Variants in STAT3 observed in about 807,000 individuals in gnomAD.
STAT3 encodes signal transducer and activator of transcription 3.
A neutral mutation model predicts 114.3 loss-of-function variants in STAT3; 7 were observed. That is an observed-to-expected ratio of 0.06 (90% CI 0.03 to 0.11). The LOEUF (loss-of-function observed/expected upper bound fraction) is 0.11, where lower values mean the gene tolerates loss of function less well. Ranked by LOEUF, STAT3 falls within the 10% of genes least tolerant of loss-of-function variation. The pLI, the probability that STAT3 is intolerant of heterozygous loss-of-function variation, is 1.00. For missense variants in STAT3, 364 were observed against 960.9 expected (o/e 0.38, Z 8.21); for synonymous variants, 331 against 354.5 (o/e 0.93, Z 0.74).
At chr17:42,382,102 C>G (rs1051104395) in intron 1 of STAT3, among the ~76,000 whole-genome samples, 4 of 152,124 alleles carry the variant, frequency 2.6e-5, no homozygotes, top group African/African-American at 9.7e-5. Flanking sequence ...TTGAATGCAA[C>G]TTTTTGTAAC....
At chr17:42,379,996 CAG>C (rs1598528210) in intron 1 of STAT3, among the ~76,000 whole-genome samples, 1 of 152,068 alleles carries the variant, frequency 6.6e-6, no homozygotes, top group East Asian at 1.9e-4. Flanking sequence ...TAATATCTAA[CAG>C]ATATTACCAT....
chr17:42,354,169 GTTC>G (rs1433847859), intron 1 of STAT3, among the ~76,000 whole-genome samples: 3 of 135,362 alleles, frequency 2.2e-5, no homozygotes, highest in Non-Finnish European at 3.1e-5. Flanking sequence ...CAATAATTGT[GTTC>G]TTTTTTTTTT....
chr17:42,337,857 T>C lies in STAT3; in HGVS notation c.551A>G (p.Asp184Gly), dbSNP rs748184550. ...FNYKTLKSQG[D>G]MQDLNGNNQS... The stretch of plus-strand genomic sequence containing the variant: ...GTTGTTTCCATTCAGATCTTGCATG[T>C]CTGCGAAGGAAGAAAAAACTCCTTG... Residue 184 changes from aspartate (D) to glycine (G), a missense_variant and splice_region_variant, in exon 7 of 24, where the codon GAC becomes GGC. This residue lies in a region of STAT3 where 294 missense variants were observed against 745.1 expected (regional missense o/e 0.39). Transcript: ENST00000264657. The surrounding 1 kb of genome is among the most constrained non-coding windows in gnomAD (Gnocchi z 4.0). 1 of 1,614,146 alleles carries C rather than the reference T, an allele frequency of 6.2e-7. No homozygotes were observed.
At chr17:42,317,051 T>C in intron 22 of STAT3, 131 bp downstream of exon 22, 1 of 1,569,842 alleles carries the variant, frequency 6.4e-7, no homozygotes, top group South Asian at 1.2e-5. Context: ...ACACACAAGG[T>C]CACTTTGAGT....
chr17:42,353,676 A>C (rs2083086514), intron 1 of STAT3, among the ~76,000 whole-genome samples: 1 of 152,010 alleles, frequency 6.6e-6, no homozygotes, highest in African/African-American at 2.4e-5. Context: ...GGGCTCAAGC[A>C]ATCCTCCTAA....
intron 1 of STAT3, among the ~76,000 whole-genome samples, chr17:42,352,081 C>T (rs1049303785): frequency 5.9e-5 from 9 of 152,062 alleles, no homozygotes; most frequent in African/African-American, 1.7e-4. Flanking sequence ...TGGCTCACAC[C>T]TGTAATCCCA....
In STAT3 at chr17:42,353,746, G is replaced by A. The variant is rs1200982230; in HGVS notation, c.-23-5207C>T. On this transcript the variant is annotated intron_variant, in intron 1 of 23. Coordinates refer to ENST00000264657, the MANE Select transcript of STAT3 (RefSeq NM_139276.3). ...AGCCACAATGTTCAGCTAATTTTTTGTAGTTTTTGTAGAGACAAGGTCTCA... is the reference window on the plus strand; with the variant it reads ...AGCCACAATGTTCAGCTAATTTTTTATAGTTTTTGTAGAGACAAGGTCTCA... Among the ~76,000 whole-genome samples, 12 of 152,070 alleles carry A rather than the reference G, an allele frequency of 7.9e-5. No individual in the cohort carries two copies. The East Asian group carries it at 1.5e-3, about 20-fold the overall frequency.
At chr17:42,361,169 T>C (rs1048464866) in intron 1 of STAT3, among the ~76,000 whole-genome samples, 1 of 152,080 alleles carries the variant, frequency 6.6e-6, no homozygotes, top group African/African-American at 2.4e-5. Context: ...CCTCTGACAG[T>C]GGGACCAGGT....
chr17:42,318,906 G>A (rs2081354062), intron 21 of STAT3, among the ~76,000 whole-genome samples: 1 of 152,184 alleles, frequency 6.6e-6, no homozygotes, highest in Non-Finnish European at 1.5e-5. Context: ...CCCTTAGGGA[G>A]CTGACACCCT....
At chr17:42,317,303 C>G in intron 21 of STAT3, 79 bp from the exon 22 acceptor site, 1 of 1,512,420 alleles carries the variant, frequency 6.6e-7, no homozygotes, top group Non-Finnish European at 9.1e-7. Context: ...CCATCTGCCT[C>G]GGCAGGACTG....
intron 21 of STAT3, chr17:42,317,635 A>G (rs1046029021): frequency 3.7e-6 from 1 of 272,250 alleles, no homozygotes; most frequent in African/African-American, 2.2e-5. Context: ...GAGCCTGTGT[A>G]GTCTTTGCAT....
At chr17:42,357,451 C>G (rs2083281941) in intron 1 of STAT3, among the ~76,000 whole-genome samples, 2 of 151,966 alleles carry the variant, frequency 1.3e-5, no homozygotes, top group Admixed American at 6.6e-5. Context: ...GAGGGTAGGT[C>G]ACCTGAGGTC....
At position 42,325,065 on chromosome 17, in the gene STAT3, C is replaced by T. The variant is rs373653543; in HGVS notation, c.1366-4G>A. ...CCACAACTGGCAAGGAGTGGGTCTGCGGAGGGAGTGGGGACTGAGCTGGGG... is the reference window on the plus strand; with the variant it reads ...CCACAACTGGCAAGGAGTGGGTCTGTGGAGGGAGTGGGGACTGAGCTGGGG... On this transcript the variant is annotated splice_region_variant and splice_polypyrimidine_tract_variant and intron_variant, in intron 15 of 23. Transcript: ENST00000264657. 35 of 1,613,584 alleles carry T rather than the reference C, an allele frequency of 2.2e-5. No homozygotes were observed. The African/African-American group carries it at 2.4e-4, about 11-fold the overall frequency.
At position 42,337,820 on chromosome 17, in the gene STAT3, G is replaced by C; in HGVS notation, c.588C>G (p.Thr196=). The C allele has an allele frequency of 6.2e-7, 1 of 1,614,206 alleles. No homozygotes were observed. Among genetic ancestry groups the C allele is most frequent in the South Asian group, 1.1e-5 (1 of 91,066 alleles). The change falls in exon 7 of 24, where the codon ACC becomes ACG. Residue 196 remains threonine (T), a synonymous_variant. Transcript: ENST00000264657. This position sits in a 1 kb window ranked among gnomAD's most constrained non-coding sequence, Gnocchi z 4.0. ...QDLNGNNQSV[T]RQKMQQLEQM... is the part of the protein sequence containing the mutation. ...GTTCCAGCTGCTGCATCTTCTGCCT[G>C]GTCACTGACTGGTTGTTTCCATTCA...
At chr17:42,386,054 G>C (rs1309230497) in intron 1 of STAT3, among the ~76,000 whole-genome samples, 2 of 152,074 alleles carry the variant, frequency 1.3e-5, no homozygotes, top group Non-Finnish European at 2.9e-5. Context: ...GATAGAGGTG[G>C]GCAAATCACA....
At chr17:42,353,303 G>A (rs1315611220) in intron 1 of STAT3, among the ~76,000 whole-genome samples, 5 of 147,302 alleles carry the variant, frequency 3.4e-5, no homozygotes, top group South Asian at 4.2e-4. Context: ...GGCCGAGATC[G>A]TGCCACTGCA....
intron 1 of STAT3, among the ~76,000 whole-genome samples, chr17:42,372,578 G>T (rs779747580): frequency 2.0e-5 from 3 of 152,158 alleles, no homozygotes; most frequent in Admixed American, 6.6e-5. Flanking sequence ...GAGCACAGGG[G>T]GTTTCTAGGG....
At chr17:42,352,944 T>A (rs1163101250) in intron 1 of STAT3, among the ~76,000 whole-genome samples, 1 of 152,182 alleles carries the variant, frequency 6.6e-6, no homozygotes, top group Non-Finnish European at 1.5e-5. Context: ...ATGTAAAGTA[T>A]CTTGTTCATG....
rs541421129 is a variant in STAT3, at chr17:42,331,383, G to C, written c.1109+89C>G. 6.7e-6 allele frequency: 8 copies of C among 1,202,238 alleles called. No homozygotes were observed. In the East Asian group the frequency reaches 1.4e-4, roughly 22 times the overall value. 74.5% of individuals were successfully genotyped at this position (1,202,238 alleles called of 1,614,324 possible). A position where few individuals can be genotyped will look rare whatever the true frequency, so the allele number is the denominator to read the frequency against. ...CACAAAATGAAGATCTCTGAATAAA[G>C]ACAGAGTCTCTAGTTCAAATGATGT... On this transcript the variant is annotated intron_variant, in intron 11 of 23. Coordinates refer to ENST00000264657, the MANE Select transcript of STAT3 (RefSeq NM_139276.3).
Sources: allele counts gnomAD v4.1 joint callset (sites outside exome capture counted in the v4.1 genomes callset), GRCh38; gene constraint gnomAD v4.1.1; regional missense constraint gnomAD v4.1.1; non-coding constraint Gnocchi (gnomAD v3.1); transcripts MANE v1.5; gene names NCBI Gene and HGNC (gene_info 2026-07-23, HGNC 2026-07-21).